ZNF805: variants seen among roughly 807,000 people sequenced by gnomAD.
ZNF805 encodes the protein zinc finger protein 805, also known as CTC-444N24.8.
In ZNF805, 7 loss-of-function variants were observed where a neutral mutation model predicts 13.6. That is an observed-to-expected ratio of 0.51 (90% confidence interval 0.29 to 0.97). The LOEUF (loss-of-function observed/expected upper bound fraction) is 0.97, where lower values mean the gene tolerates loss of function less well. Among genes scored for constraint, ZNF805 ranks in the 50% least tolerant of loss-of-function variants. The pLI is 0.08. For synonymous variants in ZNF805, 293 were observed against 279.8 expected, an observed-to-expected ratio of 1.05 and a Z score of -0.47; for missense variants, 604 against 771.0, an observed-to-expected ratio of 0.78 and a Z score of 2.57.
rs2087692961 is a variant in ZNF805, at chr19:57,257,279, T to C, written c.*2576T>C. Among the ~76,000 whole-genome samples, 1 of 152,162 alleles carries C rather than the reference T, an allele frequency of 6.6e-6. No individual in the cohort carries two copies. Among genetic ancestry groups the C allele is most frequent in the East Asian group, 1.9e-4 (1 of 5,188 alleles). ...TTTGTATGATCCTGTTAGTTGGTGG[T>C]GTTATTTAGGTCTCCTGTATCCTTG... On this transcript the variant is annotated 3_prime_UTR_variant, in exon 4 of 4. Coordinates refer to ENST00000414468, the MANE Select transcript of ZNF805 (RefSeq NM_001023563.4).
At chr19:57,244,538 C>T (rs2087599987) in intron 2 of ZNF805, among the ~76,000 whole-genome samples, 1 of 152,102 alleles carries the variant, frequency 6.6e-6, no homozygotes, top group African/African-American at 2.4e-5. Flanking sequence ...ATACAGTCTC[C>T]ATGCATCGCT....
chr19:57,247,143 G>T (rs946902013), intron 2 of ZNF805, among the ~76,000 whole-genome samples: 1 of 151,918 alleles, frequency 6.6e-6, no homozygotes, highest in African/African-American at 2.4e-5. Flanking sequence ...TCCAGTAGCT[G>T]GGACTACAGA....
At chr19:57,249,361 C>T (rs1021503015) in intron 3 of ZNF805, among the ~76,000 whole-genome samples, 3 of 152,134 alleles carry the variant, frequency 2.0e-5, no homozygotes, top group Non-Finnish European at 4.4e-5. Context: ...CTACTCAGTC[C>T]ACTACACTCA....
intron 2 of ZNF805, among the ~76,000 whole-genome samples, chr19:57,245,721 G>A (rs1193899502): frequency 6.6e-6 from 1 of 151,740 alleles, no homozygotes; most frequent in East Asian, 1.9e-4. Context: ...GGAGCTTGCA[G>A]TGAGCTGAGA....
At chr19:57,250,895 C>T (rs892574785) in intron 3 of ZNF805, among the ~76,000 whole-genome samples, 54 of 152,122 alleles carry the variant, frequency 3.5e-4, no homozygotes, top group African/African-American at 1.2e-3. Flanking sequence ...TTTTCATGGA[C>T]GTTTTTTCTT....
chr19:57,241,562 C>A (rs1288786550), intron 1 of ZNF805, among the ~76,000 whole-genome samples: 1 of 152,150 alleles, frequency 6.6e-6, no homozygotes, highest in Non-Finnish European at 1.5e-5. Flanking sequence ...CCTTGGCCTG[C>A]AAGTCCCTAC....
chr19:57,247,359 A>G (rs1050185710), intron 2 of ZNF805, among the ~76,000 whole-genome samples: 4 of 151,456 alleles, frequency 2.6e-5, no homozygotes, highest in Admixed American at 1.3e-4. Flanking sequence ...TCTGCCACCC[A>G]CTCTGGTGCT....
chr19:57,250,736 G>C (rs148855028), intron 3 of ZNF805, among the ~76,000 whole-genome samples: 1 of 152,190 alleles, frequency 6.6e-6, no homozygotes, highest in Non-Finnish European at 1.5e-5. Flanking sequence ...GCAGGTTTTC[G>C]TGTTGACAGT....
At chr19:57,249,283 G>A (rs11881191) in intron 3 of ZNF805, among the ~76,000 whole-genome samples, 97 of 152,226 alleles carry the variant, frequency 6.4e-4, no homozygotes, top group Middle Eastern at 3.4e-3. Context: ...CTGTACTTGG[G>A]TCCATGAGTC....
intron 1 of ZNF805, among the ~76,000 whole-genome samples, chr19:57,243,185 C>T (rs1364990020): frequency 6.6e-6 from 1 of 152,174 alleles, no homozygotes; most frequent in East Asian, 1.9e-4. Flanking sequence ...CATTACACTC[C>T]AGTCTGGGTA....
At position 57,240,688 on chromosome 19, in the gene ZNF805, C is replaced by A. The variant is rs772366264; in HGVS notation, c.-204C>A. 1.9e-6 allele frequency: 1 copy of A among 525,816 alleles called. No individual in the cohort carries two copies. The highest frequency in any genetic ancestry group is 2.8e-5 in the South Asian group (1 of 35,878). The allele number at this position is 525,816 out of a possible 1,614,324, so 32.6% of individuals were successfully genotyped here. On this transcript the variant is annotated 5_prime_UTR_variant, in exon 1 of 4. Coordinates refer to ENST00000414468, the MANE Select transcript of ZNF805 (RefSeq NM_001023563.4). ...CGGTGTTCCGTGGCCGCCTCCCTGGCGGCGCTGGGGAAATGAGCAGGTAGG... is the reference window on the plus strand; with the variant it reads ...CGGTGTTCCGTGGCCGCCTCCCTGGAGGCGCTGGGGAAATGAGCAGGTAGG...
Position 57,260,640 on chromosome 19 carries a change from T to A in ZNF805, c.*5937T>A, listed in dbSNP as rs1417776908. 6.6e-6 allele frequency among the ~76,000 whole-genome samples: 1 copy of A among 152,228 alleles called. No individual in the cohort carries two copies. Among genetic ancestry groups the A allele is most frequent in the Non-Finnish European group, 1.5e-5 (1 of 68,038 alleles). On this transcript the variant is annotated 3_prime_UTR_variant, in exon 4 of 4. Coordinates refer to ENST00000414468, the MANE Select transcript of ZNF805 (RefSeq NM_001023563.4). ...TCCCAGCATCCATCATGATCATTGCTGTTTTCTAACTTGTCCTTCACCCCA... is the reference window on the plus strand; with the variant it reads ...TCCCAGCATCCATCATGATCATTGCAGTTTTCTAACTTGTCCTTCACCCCA...
intron 2 of ZNF805, among the ~76,000 whole-genome samples, chr19:57,245,379 C>T (rs2087606569): frequency 6.6e-6 from 1 of 152,166 alleles, no homozygotes. Context: ...CCATAGCCTC[C>T]TCCCTTTACC....
Position 57,253,475 on chromosome 19 carries a change from C to T in ZNF805, c.656C>T (p.Ala219Val), listed in dbSNP as rs762402440. The stretch of plus-strand genomic sequence containing the variant: ...GTGTTTAACAAGAAACGCCTGCTTG[C>T]TCGGCATGAGAGGATTCACTCTGGA... The part of the protein sequence containing the change: ...EKVFNKKRLL[A>V]RHERIHSGVK... The change falls in exon 4 of 4, where the codon GCT becomes GTT. Residue 219 changes from alanine to valine, a missense_variant. Ala to Val is a moderately conservative substitution (Grantham distance 64). Transcript: ENST00000414468. This position sits in a 1 kb window ranked among gnomAD's most constrained non-coding sequence, Gnocchi z 4.4. The T allele has an allele frequency of 6.2e-7, 1 of 1,600,076 alleles. No individual in the cohort carries two copies. The highest frequency in any genetic ancestry group is 8.5e-7 in the Non-Finnish European group (1 of 1,172,540).
rs2087688639 is a variant in ZNF805 at position 57,256,594 on chromosome 19, T to C, written c.*1891T>C. 6.6e-6 allele frequency among the ~76,000 whole-genome samples: 1 copy of C among 152,168 alleles called. No individual in the cohort carries two copies. The highest frequency in any genetic ancestry group is 1.9e-4 in the East Asian group (1 of 5,206). ...TGTTCATTTTATGTAAATGTTCTAATTTGTAGCATTCTTTGAAATATTTCC... is the reference window on the plus strand; with the variant it reads ...TGTTCATTTTATGTAAATGTTCTAACTTGTAGCATTCTTTGAAATATTTCC... On this transcript the variant is annotated 3_prime_UTR_variant, in exon 4 of 4. Coordinates refer to ENST00000414468, the MANE Select transcript of ZNF805 (RefSeq NM_001023563.4).
chr19:57,249,473 A>AT (rs1568489002), intron 3 of ZNF805, among the ~76,000 whole-genome samples: 61 of 152,374 alleles, frequency 4.0e-4, no homozygotes, highest in African/African-American at 1.4e-3. Context: ...TAATCATGTG[A>AT]TACATTAATG....
At position 57,261,488 on chromosome 19, in the gene ZNF805, C is replaced by G. The variant is rs779272078; in HGVS notation, c.*6785C>G. On this transcript the variant is annotated 3_prime_UTR_variant, in exon 4 of 4. Coordinates refer to ENST00000414468, the MANE Select transcript of ZNF805 (RefSeq NM_001023563.4). The stretch of plus-strand genomic sequence containing the variant: ...TTTCCTTTATCATTCCCACGTCCGG[C>G]CACTGCCCCATTCCTTTTTGTTCCG... 4.2e-5 allele frequency: 7 copies of G among 167,058 alleles called. No homozygotes were observed. The highest frequency in any genetic ancestry group is 9.7e-5 in the African/African-American group (4 of 41,418). The allele number at this position is 167,058 out of a possible 1,614,324, so 10.3% of individuals were successfully genotyped here. A position where few individuals can be genotyped will look rare whatever the true frequency, so the allele number is the denominator to read the frequency against.
In ZNF805 at chr19:57,259,315, T is replaced by A. The variant is rs1181543892; in HGVS notation, c.*4612T>A. Among the ~76,000 whole-genome samples the A allele has an allele frequency of 6.6e-6, 1 of 152,180 alleles. No homozygotes were observed. The highest frequency in any genetic ancestry group is 1.5e-5 in the Non-Finnish European group (1 of 68,030). On this transcript the variant is annotated 3_prime_UTR_variant, in exon 4 of 4. Coordinates refer to ENST00000414468, the MANE Select transcript of ZNF805 (RefSeq NM_001023563.4). ...TTGTTACTGTCTCAGAGGTCTCTTG[T>A]GCTTTCATGTTTACCCCCTTTTTCT... is the stretch of plus-strand genomic sequence containing the variant.
At chr19:57,246,890 C>G (rs1401207603) in intron 2 of ZNF805, among the ~76,000 whole-genome samples, 1 of 152,228 alleles carries the variant, frequency 6.6e-6, no homozygotes, top group African/African-American at 2.4e-5. Flanking sequence ...CACAGGATCC[C>G]TGTCCTCAGC....
Sources: allele counts gnomAD v4.1 joint callset (sites outside exome capture counted in the v4.1 genomes callset), GRCh38; gene constraint gnomAD v4.1.1; non-coding constraint Gnocchi (gnomAD v3.1); transcripts MANE v1.5; gene names NCBI Gene and HGNC (gene_info 2026-07-23, HGNC 2026-07-21).